The following ASPH variants were observed in gnomAD, a reference collection of about 807,000 sequenced individuals.
ASPH encodes aspartyl/asparaginyl beta-hydroxylase.
ASPH carries 100 observed loss-of-function variants against 118.4 expected under a neutral mutation model. The observed-to-expected ratio is 0.84, with a 90% CI of 0.72 to 1.00. The LOEUF is 1.00. ASPH is among the 50% of genes least tolerant of loss of function. ASPH has a pLI of 0.00. For missense variants in ASPH, 920 were observed against 919.5 expected, an observed-to-expected ratio of 1.00 and a Z score of -0.01; for synonymous variants, 315 against 325.6, an observed-to-expected ratio of 0.97 and a Z score of 0.35.
At chr8:61,650,124 T>C (rs1810181669) in intron 5 of ASPH, among the ~76,000 whole-genome samples, 1 of 151,936 alleles carries the variant, frequency 6.6e-6, no homozygotes, top group Non-Finnish European at 1.5e-5. Context: ...CACTTATTTA[T>C]TTAGATTGGA....
chr8:61,622,630 C>T (rs1851379883), intron 13 of ASPH, among the ~76,000 whole-genome samples: 1 of 152,228 alleles, frequency 6.6e-6, no homozygotes, highest in African/African-American at 2.4e-5. Context: ...ATCACCATCA[C>T]CTATTACTAG....
intron 14 of ASPH, among the ~76,000 whole-genome samples, chr8:61,612,374 GTT>G (rs34515068): frequency 0.013 from 1,791 of 137,990 alleles, 28 homozygotes; most frequent in African/African-American, 0.042. Context: ...AATGAACAAA[GTT>G]TTTTTTTTTT....
chr8:61,665,334 C>A, intron 3 of ASPH: 1 of 1,613,840 alleles, frequency 6.2e-7, no homozygotes, highest in Non-Finnish European at 8.5e-7. Context: ...TCATCTTTGT[C>A]TCGGGATGCC....
intron 6 of ASPH, 76 bp downstream of exon 6, chr8:61,646,674 G>T: frequency 1.4e-6 from 2 of 1,409,662 alleles, no homozygotes; most frequent in Non-Finnish European, 1.9e-6. Context: ...AGTTTTAAAG[G>T]GGTTTAAGAA....
intron 14 of ASPH, among the ~76,000 whole-genome samples, chr8:61,597,121 T>C (rs1015332734): frequency 7.2e-6 from 1 of 139,802 alleles, no homozygotes; most frequent in Non-Finnish European, 1.5e-5. Context: ...ACCATCACCA[T>C]CAACAATAGA....
chr8:61,650,950 C>A (rs1004784034), intron 5 of ASPH, 100 bp downstream of exon 5: 31 of 1,218,800 alleles, frequency 2.5e-5, no homozygotes, highest in Non-Finnish European at 3.2e-5. Context: ...AACACAAACA[C>A]CCAATTAACC....
In ASPH at chr8:61,638,001, C is replaced by G. The variant is rs1477784606; in HGVS notation, c.835G>C (p.Val279Leu). The change falls in exon 12 of 25, where the codon GTA (valine) becomes CTA (leucine). Residue 279 changes from valine (V) to leucine (L), a missense_variant and splice_region_variant. Coordinates refer to ENST00000379454, the MANE Select transcript of ASPH (RefSeq NM_004318.4). The stretch of plus-strand genomic sequence containing the variant: ...GGATTATCCTCAGGGGGAGCAGTTA[C>G]TTCTAAAATAAAGAATAAAATCAGA... ...LENEGIEITE[V>L]TAPPEDNPVE... The G allele has an allele frequency of 1.2e-6, 2 of 1,606,786 alleles. No individual in the cohort carries two copies. Among genetic ancestry groups the G allele is most frequent in the Middle Eastern group, 3.3e-4 (2 of 6,004 alleles).
chr8:61,581,026 CA>C (rs1419180516), intron 15 of ASPH, among the ~76,000 whole-genome samples: 2 of 152,174 alleles, frequency 1.3e-5, no homozygotes, highest in African/African-American at 4.8e-5. Flanking sequence ...AGACTTAAAA[CA>C]TAAGAATAAC....
chr8:61,684,018 T>C (rs778323923), intron 2 of ASPH, 21 bp downstream of exon 2: 1 of 1,611,682 alleles, frequency 6.2e-7, no homozygotes, highest in Admixed American at 1.7e-5. Context: ...CAAATTCACA[T>C]AAGGATATCA....
chr8:61,540,380 G>A (rs899788420), intron 21 of ASPH, among the ~76,000 whole-genome samples: 5 of 152,112 alleles, frequency 3.3e-5, no homozygotes, highest in African/African-American at 7.2e-5. Flanking sequence ...AGATCTGGTC[G>A]TTTACATGTA....
At chr8:61,678,462 C>T (rs796215684) in intron 3 of ASPH, among the ~76,000 whole-genome samples, 24 of 152,036 alleles carry the variant, frequency 1.6e-4, no homozygotes, top group African/African-American at 5.8e-4. Flanking sequence ...ATCAGAAGGG[C>T]CTTGGCCAGA....
intron 3 of ASPH, among the ~76,000 whole-genome samples, chr8:61,679,963 A>AAAAAC (rs1563554638): frequency 3.4e-5 from 5 of 148,360 alleles, no homozygotes; most frequent in Non-Finnish European, 6.0e-5. Flanking sequence ...AAAAAACAAA[A>AAAAAC]AACACCAACA....
At chr8:61,709,921 A>C (rs774578047) in intron 1 of ASPH, among the ~76,000 whole-genome samples, 1 of 152,228 alleles carries the variant, frequency 6.6e-6, no homozygotes, top group Non-Finnish European at 1.5e-5. Context: ...AAAGCATAGT[A>C]TAAACTCTAT....
At chr8:61,615,166 C>A (rs1848625953) in intron 14 of ASPH, among the ~76,000 whole-genome samples, 2 of 152,164 alleles carry the variant, frequency 1.3e-5, no homozygotes, top group Non-Finnish European at 2.9e-5. Flanking sequence ...TCCCCTCATA[C>A]CTTCTTTACC....
At chr8:61,666,003 A>G (rs1322096061) in intron 3 of ASPH, among the ~76,000 whole-genome samples, 1 of 152,188 alleles carries the variant, frequency 6.6e-6, no homozygotes, top group Admixed American at 6.5e-5. Flanking sequence ...GAATATATAC[A>G]AAGATAATTT....
chr8:61,686,826 C>T lies in ASPH; in HGVS notation c.104-2638G>A, dbSNP rs573985233. Among the ~76,000 whole-genome samples the T allele has an allele frequency of 3.3e-5, 5 of 152,252 alleles. No homozygotes were observed. In the East Asian group the frequency reaches 9.7e-4, roughly 29 times the overall value. ...CTTGTCTTATGTCCTCTTGAACATTCTGTAGCTGATACCAGTCTCTTGTAT... is the reference window on the plus strand; with the variant it reads ...CTTGTCTTATGTCCTCTTGAACATTTTGTAGCTGATACCAGTCTCTTGTAT... On this transcript the variant is annotated intron_variant, in intron 1 of 24. Coordinates refer to ENST00000379454, the MANE Select transcript of ASPH (RefSeq NM_004318.4).
intron 15 of ASPH, chr8:61,578,954 G>A: frequency 6.2e-7 from 1 of 1,611,190 alleles, no homozygotes; most frequent in Non-Finnish European, 8.5e-7. Context: ...CATCTGTGGT[G>A]CTGTCCATGG....
intron 20 of ASPH, among the ~76,000 whole-genome samples, chr8:61,548,760 A>C (rs923419085): frequency 6.6e-6 from 1 of 152,194 alleles, no homozygotes; most frequent in Non-Finnish European, 1.5e-5. Context: ...AATTATTCTG[A>C]GTGGGCAATA....
At chr8:61,680,799 G>A (rs970895172) in intron 3 of ASPH, 169 bp downstream of exon 3, 5 of 459,550 alleles carry the variant, frequency 1.1e-5, no homozygotes, top group Admixed American at 4.1e-5. Flanking sequence ...TGACATGAAA[G>A]AGTGTGGAAA....
Sources: allele counts gnomAD v4.1 joint callset (sites outside exome capture counted in the v4.1 genomes callset), GRCh38; gene constraint gnomAD v4.1.1; transcripts MANE v1.5; gene names NCBI Gene and HGNC (gene_info 2026-07-23, HGNC 2026-07-21).